Variants in SUGCT observed in about 807,000 individuals in gnomAD.
SUGCT encodes succinyl-CoA:glutarate CoA-transferase.
Under a neutral mutation model 55.0 loss-of-function variants are expected in SUGCT, and 41 were observed. That is an observed-to-expected ratio of 0.74 (90% CI 0.58 to 0.97). The LOEUF is 0.97. Among genes scored for constraint, SUGCT ranks in the 50% least tolerant of loss-of-function variants. The probability of loss-of-function intolerance (pLI) is 0.00; values close to 1 mark genes in which losing one functional copy is unlikely to be tolerated. For missense variants in SUGCT, 568 were observed against 547.8 expected, an observed-to-expected ratio of 1.04 and a Z score of -0.37; for synonymous variants, 187 against 200.4, an observed-to-expected ratio of 0.93 and a Z score of 0.56.
At chr7:40,510,895 G>A (rs1792889088) in intron 12 of SUGCT, among the ~76,000 whole-genome samples, 1 of 152,088 alleles carries the variant, frequency 6.6e-6, no homozygotes, top group African/African-American at 2.4e-5. Context: ...AGGACCATTG[G>A]TGGATGCCTC....
At chr7:40,244,220 A>G (rs4720355) in intron 7 of SUGCT, among the ~76,000 whole-genome samples, 62,757 of 152,024 alleles carry the variant, frequency 0.41, 13,049 homozygotes, top group East Asian at 0.48. Flanking sequence ...AATGTGGTTC[A>G]GGGTAGGACT....
the SUGCT span, among the ~76,000 whole-genome samples, chr7:40,924,667 T>C: frequency 6.6e-6 from 1 of 152,152 alleles, no homozygotes; most frequent in South Asian, 2.1e-4. Context: ...CAACTAGGTA[T>C]CCATTACAAG....
chr7:40,624,892 A>G (rs1490626747), intron 12 of SUGCT, among the ~76,000 whole-genome samples: 1 of 152,064 alleles, frequency 6.6e-6, no homozygotes, highest in Non-Finnish European at 1.5e-5. Context: ...GTTTCATTTG[A>G]AGAGTTTCTC....
At chr7:40,426,846 C>T (rs1012672545) in intron 9 of SUGCT, among the ~76,000 whole-genome samples, 8 of 152,008 alleles carry the variant, frequency 5.3e-5, no homozygotes, top group Non-Finnish European at 7.4e-5. Flanking sequence ...TAGGGTCTTG[C>T]TCTGTCACCC....
At chr7:40,985,071 G>C in the SUGCT span, among the ~76,000 whole-genome samples, 2,978 of 152,230 alleles carry the variant, frequency 0.02, 102 homozygotes, top group African/African-American at 0.068. Context: ...AATAACCCTT[G>C]ATGTTCTCTT....
chr7:40,520,653 T>A (rs1284917582), intron 12 of SUGCT, among the ~76,000 whole-genome samples: 1 of 152,140 alleles, frequency 6.6e-6, no homozygotes, highest in Non-Finnish European at 1.5e-5. Flanking sequence ...TTCTTGGCCT[T>A]GACAAACCAC....
intron 9 of SUGCT, among the ~76,000 whole-genome samples, chr7:40,435,744 T>G (rs1788138269): frequency 6.6e-6 from 1 of 152,084 alleles, no homozygotes; most frequent in Non-Finnish European, 1.5e-5. Flanking sequence ...CGCTTTGCCT[T>G]GCTATCACAA....
At chr7:40,617,184 A>G (rs1799043860) in intron 12 of SUGCT, among the ~76,000 whole-genome samples, 1 of 152,158 alleles carries the variant, frequency 6.6e-6, no homozygotes, top group African/African-American at 2.4e-5. Flanking sequence ...GTCTTTGAAA[A>G]ATGGATGAAC....
chr7:40,338,919 G>GT (rs1248658244), intron 9 of SUGCT, among the ~76,000 whole-genome samples: 2 of 152,160 alleles, frequency 1.3e-5, no homozygotes, highest in African/African-American at 4.8e-5. Flanking sequence ...GTACATATGG[G>GT]TTTTTGGTGT....
chr7:40,915,514 A>G, the SUGCT span, among the ~76,000 whole-genome samples: 1 of 152,232 alleles, frequency 6.6e-6, no homozygotes, highest in African/African-American at 2.4e-5. Flanking sequence ...AACAACAACA[A>G]AAACAGGCTA....
the SUGCT span, among the ~76,000 whole-genome samples, chr7:40,928,617 TGAGACGGAGTC>T: frequency 6.6e-6 from 1 of 151,872 alleles, no homozygotes; most frequent in African/African-American, 2.4e-5. Context: ...TTTTTTTTTT[TGAGACGGAGTC>T]TTGCTCCATC....
chr7:40,720,704 A>G (rs1388937146), intron 12 of SUGCT, among the ~76,000 whole-genome samples: 1 of 152,230 alleles, frequency 6.6e-6, no homozygotes, highest in East Asian at 1.9e-4. Context: ...AAGTAAAATA[A>G]TAGCCTTTAG....
intron 9 of SUGCT, among the ~76,000 whole-genome samples, chr7:40,338,982 G>A (rs1332750800): frequency 6.6e-6 from 1 of 152,208 alleles, no homozygotes; most frequent in African/African-American, 2.4e-5. Flanking sequence ...ATCCTCAGCT[G>A]CAGGTCTGTT....
intron 9 of SUGCT, among the ~76,000 whole-genome samples, chr7:40,372,788 G>A (rs1235203527): frequency 6.6e-6 from 1 of 152,026 alleles, no homozygotes; most frequent in Non-Finnish European, 1.5e-5. Flanking sequence ...TTTCTAACAA[G>A]CAAAGGTAAT....
chr7:40,386,394 AGTT>A (rs1364734715), intron 9 of SUGCT, among the ~76,000 whole-genome samples: 1 of 152,112 alleles, frequency 6.6e-6, no homozygotes, highest in African/African-American at 2.4e-5. Context: ...TCACTCACAA[AGTT>A]GTGGGGCTGA....
At chr7:40,753,652 A>T (rs1788124027) in intron 13 of SUGCT, among the ~76,000 whole-genome samples, 1 of 152,194 alleles carries the variant, frequency 6.6e-6, no homozygotes, top group Admixed American at 6.5e-5. Flanking sequence ...CATTACCAGA[A>T]ACTTGTCTCT....
chr7:40,863,099 C>T (rs1164129437), downstream of SUGCT, among the ~76,000 whole-genome samples: 2 of 151,984 alleles, frequency 1.3e-5, no homozygotes, highest in Admixed American at 6.6e-5. Flanking sequence ...ATTAGCCAGG[C>T]GTGGTGGGTG....
intron 9 of SUGCT, among the ~76,000 whole-genome samples, chr7:40,428,599 G>A (rs575344345): frequency 6.6e-6 from 1 of 151,650 alleles, no homozygotes; most frequent in Admixed American, 6.6e-5. Context: ...ATTTTAAGCT[G>A]ATAACAACTT....
intron 1 of SUGCT, among the ~76,000 whole-genome samples, chr7:40,171,941 T>G (rs1004101312): frequency 5.9e-5 from 9 of 152,242 alleles, no homozygotes; most frequent in African/African-American, 9.6e-5. Flanking sequence ...TATACTGTTT[T>G]TTCTTTAACT....
Sources: allele counts gnomAD v4.1 joint callset (sites outside exome capture counted in the v4.1 genomes callset), GRCh38; gene constraint gnomAD v4.1.1; transcripts MANE v1.5; gene names NCBI Gene and HGNC (gene_info 2026-07-23, HGNC 2026-07-21).